PPP2R5B: variants seen among roughly 807,000 people sequenced by gnomAD.
PPP2R5B encodes the protein serine/threonine-protein phosphatase 2A 56 kDa regulatory subunit beta isoform.
A neutral mutation model predicts 59.9 loss-of-function variants in PPP2R5B; 19 were observed. The observed-to-expected ratio is 0.32, with a 90% CI of 0.22 to 0.47. PPP2R5B has a LOEUF of 0.47. Among genes scored for constraint, PPP2R5B ranks in the 20% least tolerant of loss-of-function variants. The probability of loss-of-function intolerance (pLI) is 1.00; values close to 1 mark genes in which losing one functional copy is unlikely to be tolerated. For synonymous variants in PPP2R5B, 286 were observed against 260.5 expected, an observed-to-expected ratio of 1.10 and a Z score of -0.94; for missense variants, 441 against 640.2, an observed-to-expected ratio of 0.69 and a Z score of 3.36.
chr11:64,929,704 C>T (rs544647031), intron 6 of PPP2R5B, among the ~76,000 whole-genome samples: 4 of 152,228 alleles, frequency 2.6e-5, no homozygotes, highest in East Asian at 1.9e-4. Flanking sequence ...CCTGCCTGGG[C>T]GACAGAGCGA....
chr11:64,919,895 G>A (rs138146920), upstream of PPP2R5B, among the ~76,000 whole-genome samples: 1,445 of 152,236 alleles, frequency 9.5e-3, 10 homozygotes, highest in Admixed American at 0.015. Flanking sequence ...CCAAGGCTAC[G>A]TGCCTAAATG....
Position 64,933,262 on chromosome 11 carries a change from T to G in PPP2R5B, c.1346+16T>G. On this transcript the variant is annotated intron_variant, in intron 13 of 13. Transcript: ENST00000164133. ...AAAAGCAGCAGTGAGTGTTGGGGGCTGGGCGTGGGGGAAGGGAGAAGAGCA... is the reference window on the plus strand; with the variant it reads ...AAAAGCAGCAGTGAGTGTTGGGGGCGGGGCGTGGGGGAAGGGAGAAGAGCA... The G allele has an allele frequency of 6.3e-7, 1 of 1,580,542 alleles. No homozygotes were observed. Among genetic ancestry groups the G allele is most frequent in the Non-Finnish European group, 8.7e-7 (1 of 1,150,152 alleles).
intron 1 of PPP2R5B, among the ~76,000 whole-genome samples, chr11:64,919,158 GT>G (rs1945087234): frequency 6.6e-6 from 1 of 152,000 alleles, no homozygotes; most frequent in Non-Finnish European, 1.5e-5. Flanking sequence ...GGCTAACACA[GT>G]GAAACCCCAT....
In PPP2R5B at chr11:64,925,808, C is replaced by A. The variant is rs762299687; in HGVS notation, c.74C>A (p.Pro25His). The change falls in exon 2 of 14, where the codon CCC becomes CAC. Residue 25 changes from proline to histidine, a missense_variant. Pro to His is a moderately conservative substitution (Grantham distance 77). This residue lies in a region of PPP2R5B where 103 missense variants were observed against 87.9 expected (regional missense o/e 1.17). Coordinates refer to ENST00000164133, the MANE Select transcript of PPP2R5B (RefSeq NM_006244.4). The surrounding 1 kb of genome is among the most constrained non-coding windows in gnomAD (Gnocchi z 4.6). ...SSPGLSPVPP[P>H]DKVDGFSRRS... ...CCCGGGCTGTCGCCTGTGCCCCCACCCGACAAGGTGGACGGCTTCTCCCGC... is the reference window on the plus strand; with the variant it reads ...CCCGGGCTGTCGCCTGTGCCCCCACACGACAAGGTGGACGGCTTCTCCCGC... The A allele has an allele frequency of 1.2e-6, 2 of 1,601,314 alleles. No individual in the cohort carries two copies. The highest frequency in any genetic ancestry group is 1.7e-6 in the Non-Finnish European group (2 of 1,173,634).
chr11:64,920,610 GC>G (rs1945100725), upstream of PPP2R5B, among the ~76,000 whole-genome samples: 1 of 150,208 alleles, frequency 6.7e-6, no homozygotes, highest in Non-Finnish European at 1.5e-5. Context: ...GAAGTCCCAA[GC>G]CCCACTTTAG....
At chr11:64,919,205 T>A (rs1945088390) in intron 1 of PPP2R5B, among the ~76,000 whole-genome samples, 1 of 152,046 alleles carries the variant, frequency 6.6e-6, no homozygotes, top group African/African-American at 2.4e-5. Context: ...TAGCAGAGTG[T>A]GATGGCGGGC....
Position 64,928,217 on chromosome 11 carries a change from GC to G in PPP2R5B, c.591+61del, listed in dbSNP as rs1201714177. 5.0e-6 allele frequency: 8 copies of G among 1,613,322 alleles called. No homozygotes were observed. In the African/African-American group the frequency reaches 5.3e-5, roughly 11 times the overall value. On this transcript the variant is annotated intron_variant, in intron 5 of 13. Coordinates refer to ENST00000164133, the MANE Select transcript of PPP2R5B (RefSeq NM_006244.4). ...AAGGCAGGGGCAGGCTCTCTGAGGG[GC>G]CAGGGATAGGATGGAAGCAACCTGG...
intron 2 of PPP2R5B, 86 bp from the exon 3 acceptor site, chr11:64,926,626 G>A (rs964830110): frequency 3.4e-6 from 5 of 1,455,802 alleles, no homozygotes; most frequent in African/African-American, 1.4e-5. Context: ...AGAGGCAGCC[G>A]TGGAGATTAG....
At position 64,931,625 on chromosome 11, in the gene PPP2R5B, T is replaced by A; in HGVS notation, c.996+16T>A. 6.2e-7 allele frequency: 1 copy of A among 1,613,738 alleles called. No homozygotes were observed. The highest frequency in any genetic ancestry group is 8.5e-7 in the Non-Finnish European group (1 of 1,179,980). ...CCAGAAGGAGGTATGAAGAAGGGCT[T>A]TGATGCCCGCCAGAGGGAGGCTGGG... On this transcript the variant is annotated intron_variant, in intron 10 of 13. Transcript: ENST00000164133. The surrounding 1 kb of genome is among the most constrained non-coding windows in gnomAD (Gnocchi z 5.0).
intron 3 of PPP2R5B, 74 bp from the exon 4 acceptor site, chr11:64,927,728 A>T (rs1945183603): frequency 9.8e-6 from 11 of 1,127,588 alleles, no homozygotes; most frequent in East Asian, 2.4e-5. Context: ...AAAAAAAAAA[A>T]GCTTTGAATG....
chr11:64,931,028 A>G lies in PPP2R5B; in HGVS notation c.892-408A>G, dbSNP rs1486585355. On this transcript the variant is annotated intron_variant, in intron 8 of 13. Coordinates refer to ENST00000164133, the MANE Select transcript of PPP2R5B (RefSeq NM_006244.4). The surrounding 1 kb of genome is among the most constrained non-coding windows in gnomAD (Gnocchi z 5.0). ...AGCTGGGACCACAGATGTATGTGCC[A>G]CATGCCTGGCTAATTAAAAAAAATT... Among the ~76,000 whole-genome samples, 1 of 151,982 alleles carries G rather than the reference A, an allele frequency of 6.6e-6. No individual in the cohort carries two copies. Among genetic ancestry groups the G allele is most frequent in the Non-Finnish European group, 1.5e-5 (1 of 67,998 alleles).
intron 12 of PPP2R5B, 56 bp from the exon 13 acceptor site, chr11:64,933,089 A>G: frequency 6.6e-7 from 1 of 1,522,358 alleles, no homozygotes; most frequent in South Asian, 1.1e-5. Context: ...AGGGAAAGGG[A>G]GAGGTGGGCA....
At chr11:64,926,332 G>A (rs1355769195) in intron 2 of PPP2R5B, among the ~76,000 whole-genome samples, 3 of 152,238 alleles carry the variant, frequency 2.0e-5, no homozygotes, top group Admixed American at 2.0e-4. Flanking sequence ...GGCCAAGCCT[G>A]AGGACACCGT....
chr11:64,927,022 A>G, intron 3 of PPP2R5B, 114 bp downstream of exon 3: 1 of 1,291,640 alleles, frequency 7.7e-7, no homozygotes, highest in Non-Finnish European at 1.1e-6. Flanking sequence ...GCTTGGCCTC[A>G]GTCCACGTCT....
upstream of PPP2R5B, among the ~76,000 whole-genome samples, chr11:64,920,943 C>A (rs1176049920): frequency 7.4e-6 from 1 of 134,930 alleles, no homozygotes. Context: ...TCCAGCAGTT[C>A]TATATATATA....
chr11:64,922,802 GAGGCGGA>G (rs768264613), upstream of PPP2R5B, among the ~76,000 whole-genome samples: 38 of 151,858 alleles, frequency 2.5e-4, no homozygotes, highest in Admixed American at 1.5e-3. Flanking sequence ...GTGAACCCAG[GAGGCGGA>G]GCTTGCAGTG....
chr11:64,922,602 C>T (rs1945119796), upstream of PPP2R5B, among the ~76,000 whole-genome samples: 1 of 152,108 alleles, frequency 6.6e-6, no homozygotes, highest in Non-Finnish European at 1.5e-5. Flanking sequence ...CAGCCGGGCA[C>T]AGTGGCTCAC....
At chr11:64,933,057 T>A in intron 12 of PPP2R5B, 88 bp from the exon 13 acceptor site, 4 of 1,490,966 alleles carry the variant, frequency 2.7e-6, no homozygotes, top group Non-Finnish European at 2.8e-6. Flanking sequence ...TGTGTTCAGG[T>A]GGAATGCTGT....
upstream of PPP2R5B, among the ~76,000 whole-genome samples, chr11:64,922,207 G>A (rs187563014): frequency 2.0e-3 from 308 of 151,912 alleles, 5 homozygotes; most frequent in African/African-American, 6.7e-3. Context: ...AAATAAAGCC[G>A]GGTGCAATGG....
Sources: gnomAD v4.1 joint callset for allele counts (sites outside exome capture counted in the v4.1 genomes callset) on GRCh38, gnomAD v4.1.1 for gene constraint, gnomAD v4.1.1 regional missense constraint, Gnocchi (gnomAD v3.1) non-coding constraint, MANE v1.5 for transcripts, NCBI Gene and HGNC (gene_info 2026-07-23, HGNC 2026-07-21) for gene names.